INPP4B: variants seen among roughly 807,000 people sequenced by gnomAD.
INPP4B encodes inositol polyphosphate-4-phosphatase type II B, also known as inositol polyphosphate 4-phosphatase type II.
INPP4B carries 55 observed loss-of-function variants against 122.5 expected under a neutral mutation model. The ratio of observed to expected loss-of-function variants is 0.45; its 90% CI spans 0.36 to 0.56. The LOEUF is 0.56. Ranked by LOEUF, INPP4B falls within the 20% of genes least tolerant of loss-of-function variation. INPP4B has a pLI of 0.00. For synonymous variants in INPP4B, 403 were observed against 388.7 expected (o/e 1.04, Z -0.43); for missense variants, 1,000 against 1,097.7 (o/e 0.91, Z 1.26).
At chr4:142,820,086 C>T (rs776434973) in intron 1 of INPP4B, among the ~76,000 whole-genome samples, 1 of 152,060 alleles carries the variant, frequency 6.6e-6, no homozygotes, top group Non-Finnish European at 1.5e-5. Context: ...AACAGTGTAC[C>T]TCCAGGTTAG....
chr4:142,230,314 A>T (rs144771595), intron 12 of INPP4B, among the ~76,000 whole-genome samples: 181 of 152,234 alleles, frequency 1.2e-3, no homozygotes, highest in African/African-American at 4.0e-3. Flanking sequence ...ACCTCTCTCT[A>T]CCACAGCGAG....
chr4:142,443,654 C>T (rs1414359827), intron 3 of INPP4B, among the ~76,000 whole-genome samples: 1 of 152,086 alleles, frequency 6.6e-6, no homozygotes, highest in Non-Finnish European at 1.5e-5. Flanking sequence ...AAACAGGTGA[C>T]AGAAGGCTAC....
At chr4:142,642,506 A>G (rs1208767392) in intron 2 of INPP4B, among the ~76,000 whole-genome samples, 1 of 152,120 alleles carries the variant, frequency 6.6e-6, no homozygotes, top group African/African-American at 2.4e-5. Flanking sequence ...TTTTCCCAGC[A>G]CCATTTATTA....
At chr4:142,787,154 T>G (rs1198116828) in intron 1 of INPP4B, among the ~76,000 whole-genome samples, 1 of 152,138 alleles carries the variant, frequency 6.6e-6, no homozygotes, top group Non-Finnish European at 1.5e-5. Flanking sequence ...GAAAATCTGT[T>G]AAAATAAATG....
At chr4:142,311,150 C>T (rs1765370934) in intron 8 of INPP4B, among the ~76,000 whole-genome samples, 1 of 152,168 alleles carries the variant, frequency 6.6e-6, no homozygotes, top group Non-Finnish European at 1.5e-5. Context: ...ACTCTCCGAT[C>T]TGTTTTGCGG....
At chr4:142,383,045 T>C (rs1794749777) in intron 7 of INPP4B, among the ~76,000 whole-genome samples, 1 of 152,114 alleles carries the variant, frequency 6.6e-6, no homozygotes, top group South Asian at 2.1e-4. Context: ...AAATGCCTCT[T>C]AGCAATGAGT....
intron 2 of INPP4B, among the ~76,000 whole-genome samples, chr4:142,622,135 G>A (rs1745075348): frequency 1.3e-5 from 2 of 151,912 alleles, no homozygotes; most frequent in African/African-American, 4.8e-5. Flanking sequence ...TGCTGTAACT[G>A]CAGCTTTGCA....
chr4:142,744,121 G>T (rs1768311078), intron 1 of INPP4B, among the ~76,000 whole-genome samples: 2 of 151,810 alleles, frequency 1.3e-5, no homozygotes, highest in African/African-American at 4.8e-5. Context: ...GAAAAGAAAT[G>T]AAATCTATTT....
intron 11 of INPP4B, among the ~76,000 whole-genome samples, chr4:142,242,340 G>A (rs1053381387): frequency 2.0e-5 from 3 of 152,126 alleles, no homozygotes; most frequent in African/African-American, 7.2e-5. Context: ...CCTGAATGCA[G>A]CCAAACCCAC....
intron 24 of INPP4B, among the ~76,000 whole-genome samples, chr4:142,084,341 C>T (rs747590772): frequency 3.3e-5 from 5 of 151,990 alleles, no homozygotes; most frequent in Non-Finnish European, 7.4e-5. Flanking sequence ...GGATGGTCTC[C>T]ATCACCTGAC....
intron 2 of INPP4B, among the ~76,000 whole-genome samples, chr4:142,474,974 G>A (rs138937869): frequency 6.6e-6 from 1 of 152,326 alleles, no homozygotes; most frequent in African/African-American, 2.4e-5. Flanking sequence ...ACACCTGCTA[G>A]AGTTTCTAGA....
rs116453413 is a variant in INPP4B at position 142,799,865 on chromosome 4, T to C, written c.-254+46344A>G. ...TTTATCAAATTTTAATGAACTCTTG[T>C]TCTGCAATAAGTATTTTTTGTTCTT... is the stretch of plus-strand genomic sequence containing the variant. On this transcript the variant is annotated intron_variant, in intron 1 of 25. Transcript: ENST00000262992. Among the ~76,000 whole-genome samples, 1,150 of 152,130 alleles carry C rather than the reference T, an allele frequency of 7.6e-3. 11 individuals are homozygous for C. The highest frequency in any genetic ancestry group is 0.026 in the African/African-American group (1,089 of 41,560).
chr4:142,518,239 C>T (rs1031928035), intron 2 of INPP4B, among the ~76,000 whole-genome samples: 2 of 152,102 alleles, frequency 1.3e-5, no homozygotes, highest in African/African-American at 4.8e-5. Flanking sequence ...CTAATTATAA[C>T]TCTGGCACCA....
intron 2 of INPP4B, among the ~76,000 whole-genome samples, chr4:142,650,739 C>A (rs909410135): frequency 6.6e-6 from 1 of 152,106 alleles, no homozygotes; most frequent in Non-Finnish European, 1.5e-5. Flanking sequence ...TAGAGATCTA[C>A]AAAGAGATTT....
chr4:142,551,683 G>A (rs1448969880), intron 2 of INPP4B, among the ~76,000 whole-genome samples: 1 of 151,920 alleles, frequency 6.6e-6, no homozygotes, highest in African/African-American at 2.4e-5. Flanking sequence ...CAGTAGAACT[G>A]TAGCAGGATG....
At chr4:142,135,034 T>TA (rs1475519052) in intron 18 of INPP4B, among the ~76,000 whole-genome samples, 1 of 152,140 alleles carries the variant, frequency 6.6e-6, no homozygotes, top group Non-Finnish European at 1.5e-5. Context: ...ACCACTGAAA[T>TA]AATTGTCTAA....
At chr4:142,050,177 T>C (rs1003180235) in intron 25 of INPP4B, among the ~76,000 whole-genome samples, 1 of 152,006 alleles carries the variant, frequency 6.6e-6, no homozygotes, top group Non-Finnish European at 1.5e-5. Flanking sequence ...CACTGAAAAC[T>C]GCTGCCAAGA....
chr4:142,298,950 C>T (rs1334339352), intron 9 of INPP4B, among the ~76,000 whole-genome samples: 1 of 151,936 alleles, frequency 6.6e-6, no homozygotes, highest in Non-Finnish European at 1.5e-5. Context: ...CTTAACCCAT[C>T]ATAAACTCCA....
intron 12 of INPP4B, among the ~76,000 whole-genome samples, chr4:142,210,420 G>A (rs1031019836): frequency 6.6e-6 from 1 of 151,860 alleles, no homozygotes; most frequent in African/African-American, 2.4e-5. Flanking sequence ...ACTCATGGGA[G>A]AAAAAGTAAT....
Sources: allele counts gnomAD v4.1 joint callset (sites outside exome capture counted in the v4.1 genomes callset), GRCh38; gene constraint gnomAD v4.1.1; transcripts MANE v1.5; gene names NCBI Gene and HGNC (gene_info 2026-07-23, HGNC 2026-07-21).